Variants in GARIN4 observed in about 807,000 individuals in gnomAD.
GARIN4 encodes golgi associated RAB2 interactor family member 4, also known as Golgi-associated RAB2 interactor protein 4.
the GARIN4 span, chr1:212,625,486 G>A: frequency 1.9e-6 from 3 of 1,614,198 alleles, no homozygotes; most frequent in Admixed American, 1.7e-5. Flanking sequence ...AAGACAGGAG[G>A]AGCCTGGGAG....
At chr1:212,626,351 G>T in the GARIN4 span, 10 of 1,614,198 alleles carry the variant, frequency 6.2e-6, no homozygotes, top group Non-Finnish European at 8.5e-6. Context: ...CTCGCATAAA[G>T]GTGTCAGCCA....
chr1:212,625,335 T>A, the GARIN4 span: 1 of 1,614,254 alleles, frequency 6.2e-7, no homozygotes, highest in Non-Finnish European at 8.5e-7. Flanking sequence ...TATCTGCAAT[T>A]GTGTCCCGCT....
chr1:212,625,224 T>C, the GARIN4 span: 347 of 1,613,820 alleles, frequency 2.2e-4, no homozygotes, highest in Non-Finnish European at 2.9e-4. Context: ...GCAAAGAACT[T>C]AGAGCTCACC....
At chr1:212,625,139 C>G in the GARIN4 span, 1 of 1,614,170 alleles carries the variant, frequency 6.2e-7, no homozygotes, top group Non-Finnish European at 8.5e-7. Flanking sequence ...TGTCATGCTA[C>G]TGGCACGACC....
the GARIN4 span, chr1:212,624,780 G>A: frequency 6.9e-7 from 1 of 1,441,704 alleles, no homozygotes; most frequent in Non-Finnish European, 9.1e-7. Context: ...AGACATCTTT[G>A]TGACCCAGGA....
the GARIN4 span, chr1:212,625,242 T>G: frequency 1.9e-6 from 3 of 1,614,062 alleles, no homozygotes; most frequent in African/African-American, 4.0e-5. Flanking sequence ...ACCAGGCTTC[T>G]GCCCCTGAGG....
chr1:212,626,495 A>G, the GARIN4 span: 2 of 1,614,256 alleles, frequency 1.2e-6, no homozygotes, highest in African/African-American at 2.7e-5. Context: ...CCTTACTACA[A>G]AAGTAGTGGG....
the GARIN4 span, chr1:212,626,281 C>T: frequency 3.7e-6 from 6 of 1,614,066 alleles, no homozygotes; most frequent in Non-Finnish European, 5.1e-6. Flanking sequence ...GCCACAGAGC[C>T]AATAGAGATG....
the GARIN4 span, chr1:212,626,271 G>A: frequency 6.2e-7 from 1 of 1,614,214 alleles, no homozygotes; most frequent in Non-Finnish European, 8.5e-7. Flanking sequence ...TCCTCATTCA[G>A]CCACAGAGCC....
chr1:212,625,822 G>A, the GARIN4 span: 10 of 1,614,218 alleles, frequency 6.2e-6, no homozygotes, highest in East Asian at 2.2e-5. Flanking sequence ...TAGCTGGGGC[G>A]GCCACCATCG....
chr1:212,625,569 G>T, the GARIN4 span: 1 of 1,614,200 alleles, frequency 6.2e-7, no homozygotes, highest in Middle Eastern at 1.6e-4. Context: ...TCTGAGGTGT[G>T]TGGGGCCACC....
the GARIN4 span, chr1:212,626,544 T>C: frequency 2.5e-6 from 4 of 1,613,964 alleles, no homozygotes; most frequent in African/African-American, 5.3e-5. Flanking sequence ...ATGGCTAAGA[T>C]GGCGGAGAGG....
the GARIN4 span, chr1:212,624,984 A>C: frequency 6.2e-7 from 1 of 1,614,092 alleles, no homozygotes; most frequent in Non-Finnish European, 8.5e-7. Context: ...TACAAGGGGG[A>C]GTACGATATA....
chr1:212,625,967 C>T, the GARIN4 span: 31 of 1,614,094 alleles, frequency 1.9e-5, no homozygotes, highest in South Asian at 1.6e-4. Flanking sequence ...GAGCCTTTCC[C>T]GAGAGGGCAG....
chr1:212,625,100 C>T, the GARIN4 span: 20 of 1,614,000 alleles, frequency 1.2e-5, no homozygotes, highest in East Asian at 1.8e-4. Context: ...GGGCATTGCA[C>T]GTACCAGCCC....
chr1:212,625,071 G>A, the GARIN4 span: 103 of 1,614,108 alleles, frequency 6.4e-5, no homozygotes, highest in Middle Eastern at 1.6e-4. Flanking sequence ...GTGCACAACC[G>A]TGTCCGTATG....
the GARIN4 span, chr1:212,626,156 A>T: frequency 1.2e-6 from 2 of 1,614,130 alleles, no homozygotes; most frequent in Non-Finnish European, 1.7e-6. Flanking sequence ...GAGGGAAAGA[A>T]GGGAAAAGGA....
the GARIN4 span, chr1:212,624,910 G>T: frequency 1.2e-6 from 2 of 1,608,062 alleles, no homozygotes. Flanking sequence ...CGTATTATAC[G>T]GCCCAGAGTG....
the GARIN4 span, chr1:212,626,716 C>T: frequency 6.5e-7 from 1 of 1,529,420 alleles, no homozygotes; most frequent in South Asian, 1.3e-5. Flanking sequence ...GGGAGTGTCC[C>T]TGGAAAGCCT....
Sources: gnomAD v4.1 joint callset for allele counts on GRCh38, gnomAD v4.1.1 for gene constraint, MANE v1.5 for transcripts, NCBI Gene and HGNC (gene_info 2026-07-23, HGNC 2026-07-21) for gene names.